Variants in CDH9 observed in about 807,000 individuals in gnomAD.
CDH9 encodes cadherin-9.
Under a neutral mutation model 70.9 loss-of-function variants are expected in CDH9, and 28 were observed. The observed-to-expected ratio is 0.40, with a 90% CI of 0.29 to 0.54. The LOEUF is 0.54. Among genes scored for constraint, CDH9 ranks in the 20% least tolerant of loss-of-function variants. The pLI is 0.59. For synonymous variants in CDH9, 409 were observed against 343.1 expected (o/e 1.19, Z -2.12); for missense variants, 874 against 984.4 (o/e 0.89, Z 1.50).
At chr5:26,952,153 G>A (rs1218630922) in intron 2 of CDH9, among the ~76,000 whole-genome samples, 12 of 149,910 alleles carry the variant, frequency 8.0e-5, no homozygotes, top group African/African-American at 2.9e-4. Flanking sequence ...TAGTAGAGAC[G>A]GGGTTTCACC....
intron 11 of CDH9, among the ~76,000 whole-genome samples, 191 bp downstream of exon 11, chr5:26,885,423 T>C (rs934628991): frequency 6.6e-6 from 1 of 152,198 alleles, no homozygotes; most frequent in Admixed American, 6.5e-5. Flanking sequence ...TTCTTTTTGG[T>C]CTCTGGAAAG....
At position 26,999,429 on chromosome 5, in the gene CDH9, C is replaced by T. The variant is rs528760522; in HGVS notation, c.-49-11047G>A. Among the ~76,000 whole-genome samples, 5 of 152,066 alleles carry T rather than the reference C, an allele frequency of 3.3e-5. No individual in the cohort carries two copies. The South Asian group carries it at 6.2e-4, about 19-fold the overall frequency. ...GAAAAACAAATAATAAATTTAATGG[C>T]AAATGTTACCAAGTGTTATGAATAA... On this transcript the variant is annotated intron_variant, in intron 1 of 11. Coordinates refer to ENST00000231021, the MANE Select transcript of CDH9 (RefSeq NM_016279.4).
chr5:27,035,141 T>C (rs567036058), intron 1 of CDH9, among the ~76,000 whole-genome samples: 24 of 147,212 alleles, frequency 1.6e-4, no homozygotes, highest in African/African-American at 5.7e-4. Flanking sequence ...CATGGCTTAA[T>C]AGGATAAGTT....
At chr5:26,937,652 G>A (rs774428048) in intron 2 of CDH9, among the ~76,000 whole-genome samples, 1 of 152,048 alleles carries the variant, frequency 6.6e-6, no homozygotes, top group Non-Finnish European at 1.5e-5. Context: ...TAAATAATGA[G>A]CTGTCAATCT....
intron 2 of CDH9, among the ~76,000 whole-genome samples, chr5:26,969,734 A>C (rs1742185793): frequency 6.6e-6 from 1 of 151,976 alleles, no homozygotes; most frequent in Non-Finnish European, 1.5e-5. Context: ...TTGATACTTC[A>C]ATAACTCACA....
At chr5:26,976,326 G>T (rs1462764473) in intron 2 of CDH9, among the ~76,000 whole-genome samples, 1 of 152,178 alleles carries the variant, frequency 6.6e-6, no homozygotes, top group African/African-American at 2.4e-5. Context: ...GTATACAGAA[G>T]TTGGCAGAAT....
intron 2 of CDH9, among the ~76,000 whole-genome samples, chr5:26,916,442 C>G (rs1741150955): frequency 6.6e-6 from 1 of 151,808 alleles, no homozygotes. Flanking sequence ...TAAGTGGATC[C>G]CTGAAACTGT....
intron 2 of CDH9, among the ~76,000 whole-genome samples, chr5:26,970,814 T>A: frequency 6.6e-6 from 1 of 152,040 alleles, no homozygotes; most frequent in East Asian, 1.9e-4. Context: ...TGTATAAATA[T>A]AAATAGACGA....
chr5:26,893,389 A>G (rs1579666627), intron 7 of CDH9, among the ~76,000 whole-genome samples: 1 of 152,204 alleles, frequency 6.6e-6, no homozygotes, highest in East Asian at 1.9e-4. Flanking sequence ...CCTCACTCCC[A>G]GTACATGGAA....
chr5:26,888,035 A>G (rs1360219925), intron 9 of CDH9, among the ~76,000 whole-genome samples: 1 of 152,166 alleles, frequency 6.6e-6, no homozygotes, highest in Non-Finnish European at 1.5e-5. Context: ...GTAATTTGTC[A>G]TGGCAGCCCT....
intron 1 of CDH9, among the ~76,000 whole-genome samples, chr5:26,989,392 A>T (rs910832419): frequency 1.3e-5 from 2 of 152,126 alleles, no homozygotes; most frequent in African/African-American, 4.8e-5. Context: ...TGGGTTATAC[A>T]ATCAAATTAA....
At chr5:27,001,836 A>ACTCTCTCTCTCT (rs1422833082) in intron 1 of CDH9, among the ~76,000 whole-genome samples, 38 of 124,762 alleles carry the variant, frequency 3.0e-4, no homozygotes, top group African/African-American at 1.4e-3. Context: ...ACATACACAC[A>ACTCTCTCTCTCT]CACACACACT....
intron 2 of CDH9, among the ~76,000 whole-genome samples, chr5:26,980,616 T>C (rs1276291853): frequency 1.3e-5 from 2 of 151,992 alleles, no homozygotes; most frequent in Admixed American, 1.3e-4. Context: ...TATTTGTGAA[T>C]ATCTGGTACA....
intron 1 of CDH9, among the ~76,000 whole-genome samples, chr5:27,036,193 A>T (rs1743389498): frequency 6.6e-6 from 1 of 151,896 alleles, no homozygotes; most frequent in South Asian, 2.1e-4. Flanking sequence ...TAGAATAAAA[A>T]CAATCTAATT....
rs531407008 is a variant in CDH9 at position 26,890,666 on chromosome 5, A to G, written c.1254-102T>C. ...ATTTCCACAATGATCTGACAAAGAC[A>G]TGAAATGCAAAATGCTAACAACTTT... is the stretch of plus-strand genomic sequence containing the variant. On this transcript the variant is annotated intron_variant, in intron 7 of 11. Transcript: ENST00000231021. The G allele has an allele frequency of 5.2e-3, 4,083 of 786,268 alleles. 19 individuals carry two copies. Among genetic ancestry groups the G allele is most frequent in the Non-Finnish European group, 7.6e-3 (3,582 of 474,062 alleles). The allele number at this position is 786,268 out of a possible 1,614,324, so 48.7% of individuals were successfully genotyped here.
intron 2 of CDH9, among the ~76,000 whole-genome samples, chr5:26,954,477 C>T (rs562229281): frequency 1.4e-5 from 2 of 141,284 alleles, no homozygotes; most frequent in African/African-American, 2.6e-5. Flanking sequence ...CTTCGCCTCC[C>T]GGGTTCACGC....
intron 2 of CDH9, among the ~76,000 whole-genome samples, chr5:26,954,113 T>C (rs1741898327): frequency 6.6e-6 from 1 of 152,196 alleles, no homozygotes; most frequent in South Asian, 2.1e-4. Context: ...CATAATGGCT[T>C]TTGTTCTTTA....
intron 2 of CDH9, among the ~76,000 whole-genome samples, chr5:26,932,416 A>G (rs1741479048): frequency 6.7e-6 from 1 of 149,922 alleles, no homozygotes; most frequent in African/African-American, 2.5e-5. Context: ...AAAGAAAAAA[A>G]AACAAAATAT....
chr5:26,887,712 A>G lies in CDH9; in HGVS notation c.1513-1629T>C, dbSNP rs375709487. Among the ~76,000 whole-genome samples the G allele has an allele frequency of 6.6e-5, 10 of 152,282 alleles. No individual in the cohort carries two copies. The East Asian group carries it at 1.7e-3, about 26-fold the overall frequency. On this transcript the variant is annotated intron_variant, in intron 9 of 11. Coordinates refer to ENST00000231021, the MANE Select transcript of CDH9 (RefSeq NM_016279.4). ...GCAGATAAAATCAAGTTAAAATAAGATCATTCTAAATTAAGGAGGACTCTA... is the reference window on the plus strand; with the variant it reads ...GCAGATAAAATCAAGTTAAAATAAGGTCATTCTAAATTAAGGAGGACTCTA...
Sources: allele counts gnomAD v4.1 joint callset (sites outside exome capture counted in the v4.1 genomes callset), GRCh38; gene constraint gnomAD v4.1.1; transcripts MANE v1.5; gene names NCBI Gene and HGNC (gene_info 2026-07-23, HGNC 2026-07-21).